The following NEK10 variants were observed in gnomAD, a reference collection of about 807,000 sequenced individuals.
NEK10 encodes NIMA related kinase 10.
Under a neutral mutation model 159.8 loss-of-function variants are expected in NEK10, and 122 were observed. That is an observed-to-expected ratio of 0.76 (90% CI 0.66 to 0.89). The LOEUF (loss-of-function observed/expected upper bound fraction) is 0.89, where lower values mean the gene tolerates loss of function less well. Among genes scored for constraint, NEK10 ranks in the 40% least tolerant of loss-of-function variants. The probability of loss-of-function intolerance (pLI) is 0.00; values close to 1 mark genes in which losing one functional copy is unlikely to be tolerated. For synonymous variants in NEK10, 466 were observed against 457.1 expected, an observed-to-expected ratio of 1.02 and a Z score of -0.25; for missense variants, 1,342 against 1,323.1, an observed-to-expected ratio of 1.01 and a Z score of -0.22.
intron 5 of NEK10, among the ~76,000 whole-genome samples, chr3:27,323,637 G>A (rs2045811170): frequency 6.6e-6 from 1 of 152,018 alleles, no homozygotes; most frequent in Non-Finnish European, 1.5e-5. Flanking sequence ...TTCAAATATT[G>A]AATATAGCCA....
chr3:27,130,262 C>T (rs769261647), intron 32 of NEK10, among the ~76,000 whole-genome samples: 2 of 152,154 alleles, frequency 1.3e-5, no homozygotes, highest in Admixed American at 6.5e-5. Flanking sequence ...AAGGATGAGT[C>T]TATTCCTGAG....
At chr3:27,245,215 C>T (rs1954938367) in intron 23 of NEK10, among the ~76,000 whole-genome samples, 2 of 152,192 alleles carry the variant, frequency 1.3e-5, no homozygotes, top group Admixed American at 1.3e-4. Flanking sequence ...CTTTGTTTCA[C>T]ATGTCTTGAT....
rs1215837673 is a variant in NEK10, at chr3:27,346,340, C to A, written c.133-124G>T. On this transcript the variant is annotated intron_variant, in intron 3 of 35. Coordinates refer to ENST00000691995, the MANE Select transcript of NEK10 (RefSeq NM_001394966.1). Reference sequence around the variant, plus strand: ...CCAGGCCAATAATTAAGATAACAACCCTTTCAAATGTAAGGGTTTTCCAAG... The same window carrying A: ...CCAGGCCAATAATTAAGATAACAACACTTTCAAATGTAAGGGTTTTCCAAG... The A allele has an allele frequency of 4.1e-6, 4 of 974,720 alleles. No individual in the cohort carries two copies. In the African/African-American group the frequency reaches 6.5e-5, roughly 16 times the overall value. The allele number at this position is 974,720 out of a possible 1,614,324, so 60.4% of individuals were successfully genotyped here.
chr3:27,277,454 A>G (rs1428948675), intron 22 of NEK10, among the ~76,000 whole-genome samples: 1 of 151,902 alleles, frequency 6.6e-6, no homozygotes, highest in East Asian at 1.9e-4. Flanking sequence ...TAATCCTTCT[A>G]CCTCCCAGAT....
chr3:27,327,673 AC>A (rs1406050938), intron 5 of NEK10, among the ~76,000 whole-genome samples: 4 of 152,234 alleles, frequency 2.6e-5, no homozygotes, highest in Non-Finnish European at 5.9e-5. Context: ...GGTTAACTGA[AC>A]CCAGGAACTG....
At chr3:27,211,098 T>C (rs1950971638) in intron 23 of NEK10, among the ~76,000 whole-genome samples, 1 of 152,246 alleles carries the variant, frequency 6.6e-6, no homozygotes, top group Non-Finnish European at 1.5e-5. Flanking sequence ...AATTAGTTTC[T>C]TGTTTTTACT....
chr3:27,139,901 G>A (rs1575470207), intron 31 of NEK10, among the ~76,000 whole-genome samples: 2 of 152,154 alleles, frequency 1.3e-5, no homozygotes, highest in Admixed American at 1.3e-4. Context: ...GGAAAGGGGA[G>A]CACCAGCATC....
In NEK10 at chr3:27,346,164, G is replaced by T; in HGVS notation, c.185C>A (p.Pro62His). The change falls in exon 4 of 36, where the codon CCC (proline) becomes CAC (histidine). Residue 62 changes from proline (P) to histidine (H), a missense_variant. Transcript: ENST00000691995. Reference sequence around the variant, plus strand: ...TCTGTGTCCACCCGCCCTGATGGCGGGCTCAGACTTCGTCATGCTATTTTG... The same window carrying T: ...TCTGTGTCCACCCGCCCTGATGGCGTGCTCAGACTTCGTCATGCTATTTTG... ...SAQNSMTKSE[P>H]AIRAGGHRAR... 1 of 1,613,704 alleles carries T rather than the reference G, an allele frequency of 6.2e-7. No homozygotes were observed. Among genetic ancestry groups the T allele is most frequent in the African/African-American group, 1.3e-5 (1 of 75,032 alleles).
chr3:27,302,851 C>A (rs544938231), intron 12 of NEK10, among the ~76,000 whole-genome samples: 52 of 152,198 alleles, frequency 3.4e-4, no homozygotes, highest in African/African-American at 1.2e-3. Context: ...TCTTATCTGT[C>A]AACATGATTC....
intron 26 of NEK10, 43 bp downstream of exon 26, chr3:27,191,986 C>A: frequency 6.5e-7 from 1 of 1,545,592 alleles, no homozygotes. Context: ...TTCAGACAGC[C>A]CATTAGAGTG....
At chr3:27,335,086 C>T (rs1156647849) in intron 5 of NEK10, among the ~76,000 whole-genome samples, 1 of 152,118 alleles carries the variant, frequency 6.6e-6, no homozygotes, top group Non-Finnish European at 1.5e-5. Flanking sequence ...CACCTGTAAT[C>T]CCAGCACTTT....
intron 3 of NEK10, among the ~76,000 whole-genome samples, chr3:27,348,509 C>T (rs143571633): frequency 2.2e-4 from 33 of 152,258 alleles, no homozygotes; most frequent in Middle Eastern, 6.8e-3. Flanking sequence ...ATTCAGAATC[C>T]GGTTCAAAAC....
intron 30 of NEK10, 146 bp downstream of exon 30, chr3:27,162,555 G>C: frequency 6.2e-7 from 1 of 1,614,152 alleles, no homozygotes; most frequent in Admixed American, 1.7e-5. Context: ...TGTGGGCCCT[G>C]AGCATGTGGG....
chr3:27,275,527 C>T (rs2041705455), intron 22 of NEK10, among the ~76,000 whole-genome samples: 1 of 152,170 alleles, frequency 6.6e-6, no homozygotes, highest in African/African-American at 2.4e-5. Context: ...TTTAAGAGTA[C>T]TCAAGTCGTG....
At chr3:27,357,187 C>T (rs2048377142) in intron 1 of NEK10, among the ~76,000 whole-genome samples, 1 of 152,060 alleles carries the variant, frequency 6.6e-6, no homozygotes, top group Admixed American at 6.5e-5. Context: ...GTTGCAATTG[C>T]CTTATTACCA....
At chr3:27,361,700 C>T (rs573562764) in intron 1 of NEK10, among the ~76,000 whole-genome samples, 1 of 152,222 alleles carries the variant, frequency 6.6e-6, no homozygotes, top group South Asian at 2.1e-4. Flanking sequence ...ACAGATTCAA[C>T]CCAAACCCCT....
In NEK10 at chr3:27,257,937, C is replaced by T. The variant is rs560686231; in HGVS notation, c.2015-1566G>A. On this transcript the variant is annotated intron_variant, in intron 22 of 35. Coordinates refer to ENST00000691995, the MANE Select transcript of NEK10 (RefSeq NM_001394966.1). ...CCAAGTCGCTGGGACTACAGGAGCC[C>T]GCCAGCACGTCCAGCTAATTTTTTT... Among the ~76,000 whole-genome samples the T allele has an allele frequency of 3.3e-5, 5 of 151,826 alleles. No homozygotes were observed. The East Asian group carries it at 5.8e-4, about 18-fold the overall frequency.
At chr3:27,307,532 A>G (rs2044335160) in intron 11 of NEK10, among the ~76,000 whole-genome samples, 1 of 152,232 alleles carries the variant, frequency 6.6e-6, no homozygotes, top group Admixed American at 6.5e-5. Flanking sequence ...ACAATTTGAA[A>G]TTACTAAAAC....
chr3:27,287,190 T>C (rs2042682921), intron 20 of NEK10, among the ~76,000 whole-genome samples: 1 of 151,334 alleles, frequency 6.6e-6, no homozygotes, highest in Non-Finnish European at 1.5e-5. Flanking sequence ...GTTTTGGTTC[T>C]AGTTCAGCAT....
Sources: allele counts gnomAD v4.1 joint callset (sites outside exome capture counted in the v4.1 genomes callset), GRCh38; gene constraint gnomAD v4.1.1; transcripts MANE v1.5; gene names NCBI Gene and HGNC (gene_info 2026-07-23, HGNC 2026-07-21).